Variants in LARGE1 observed in about 807,000 individuals in gnomAD.
LARGE1 encodes xylosyl- and glucuronyltransferase LARGE1.
In LARGE1, 43 loss-of-function variants were observed where a neutral mutation model predicts 87.6. The ratio of observed to expected loss-of-function variants is 0.49; its 90% CI spans 0.38 to 0.63. The LOEUF is 0.63. Ranked by LOEUF, LARGE1 falls within the 30% of genes least tolerant of loss-of-function variation. The probability of loss-of-function intolerance (pLI) is 0.00; values close to 1 mark genes in which losing one functional copy is unlikely to be tolerated. For synonymous variants in LARGE1, 434 were observed against 394.6 expected (o/e 1.10, Z -1.18); for missense variants, 802 against 1,000.2 (o/e 0.80, Z 2.67).
intron 4 of LARGE1, 135 bp from the exon 5 acceptor site, chr22:33,604,693 T>G: frequency 8.2e-7 from 1 of 1,222,570 alleles, no homozygotes; most frequent in East Asian, 2.5e-5. Flanking sequence ...ATCTGGAATG[T>G]TACGAAAACA....
chr22:33,585,849 T>G (rs1215549045), intron 5 of LARGE1, among the ~76,000 whole-genome samples: 1 of 152,128 alleles, frequency 6.6e-6, no homozygotes, highest in Non-Finnish European at 1.5e-5. Flanking sequence ...TCCTTTATGC[T>G]CACCACGCCC....
intron 1 of LARGE1, among the ~76,000 whole-genome samples, chr22:33,866,931 G>A (rs543677948): frequency 6.6e-6 from 1 of 152,218 alleles, no homozygotes; most frequent in African/African-American, 2.4e-5. Flanking sequence ...CTCACTAAAG[G>A]GGTTGATTAT....
At chr22:33,474,793 G>T (rs1208971102) in intron 6 of LARGE1, among the ~76,000 whole-genome samples, 1 of 152,124 alleles carries the variant, frequency 6.6e-6, no homozygotes, top group Non-Finnish European at 1.5e-5. Flanking sequence ...AAAAAGAGTG[G>T]GGTGCTGTGG....
chr22:33,549,377 C>CA (rs1279334465), intron 6 of LARGE1, among the ~76,000 whole-genome samples: 1 of 152,224 alleles, frequency 6.6e-6, no homozygotes, highest in East Asian at 1.9e-4. Flanking sequence ...CACGGATATG[C>CA]AGATGAGCTG....
At chr22:33,547,007 G>A (rs930263859) in intron 6 of LARGE1, among the ~76,000 whole-genome samples, 19 of 152,154 alleles carry the variant, frequency 1.2e-4, no homozygotes, top group Non-Finnish European at 5.9e-5. Context: ...TCTGCCACTT[G>A]CCAGTTAGAA....
Position 33,262,799 on chromosome 22 carries a change from C to T in LARGE1, c.1730+41430G>A, listed in dbSNP as rs553778167. ...TTCCTTCCTTCCCTTCCCTTTCCTTCCTTCCTTCCTTCTTTCCTTCCTGAC... is the reference window on the plus strand; with the variant it reads ...TTCCTTCCTTCCCTTCCCTTTCCTTTCTTCCTTCCTTCTTTCCTTCCTGAC... On this transcript the variant is annotated intron_variant, in intron 11 of 11. Coordinates refer to the LARGE1 transcript ENST00000608642. Among the ~76,000 whole-genome samples the T allele has an allele frequency of 4.4e-4, 66 of 148,396 alleles. 1 individual carries two copies. Among genetic ancestry groups the T allele is most frequent in the African/African-American group, 1.5e-3 (61 of 40,708 alleles).
intron 4 of LARGE1, among the ~76,000 whole-genome samples, chr22:33,617,864 C>T (rs2149040016): frequency 6.6e-6 from 1 of 152,268 alleles, no homozygotes. Context: ...TCCCTTGTTC[C>T]AGGCTGAGAT....
chr22:33,095,519 C>A, the LARGE1 span, among the ~76,000 whole-genome samples: 1 of 152,194 alleles, frequency 6.6e-6, no homozygotes, highest in African/African-American at 2.4e-5. Context: ...GTCATATTTA[C>A]AGGTAGCGGG....
intron 6 of LARGE1, among the ~76,000 whole-genome samples, chr22:33,503,016 G>T (rs1218857429): frequency 1.3e-5 from 2 of 152,216 alleles, no homozygotes; most frequent in East Asian, 3.9e-4. Flanking sequence ...CTGAGGTGGT[G>T]AGTTCAGGTT....
chr22:33,190,333 T>C (rs1000993895), intron 11 of LARGE1, among the ~76,000 whole-genome samples: 3 of 152,188 alleles, frequency 2.0e-5, no homozygotes, highest in African/African-American at 7.2e-5. Context: ...CAGACTTTAA[T>C]TCCTATGGCT....
At chr22:33,759,949 T>C (rs1384470613) in intron 2 of LARGE1, among the ~76,000 whole-genome samples, 2 of 152,194 alleles carry the variant, frequency 1.3e-5, no homozygotes, top group African/African-American at 4.8e-5. Context: ...GGTGTGTCAC[T>C]TGGCCTCGGC....
intron 1 of LARGE1, among the ~76,000 whole-genome samples, chr22:33,816,689 T>TAGAC (rs1226644906): frequency 0.024 from 3,220 of 132,408 alleles, 46 homozygotes; most frequent in Non-Finnish European, 0.026. Flanking sequence ...GATAGATAGA[T>TAGAC]AGACAGACAG....
chr22:33,675,309 A>AAAAAAAAAAAAAAAAAAAAAC (rs2081540830), intron 2 of LARGE1, among the ~76,000 whole-genome samples: 1 of 147,594 alleles, frequency 6.8e-6, no homozygotes, highest in Non-Finnish European at 1.5e-5. Context: ...AAAAAAAAAA[A>AAAAAAAAAAAAAAAAAAAAAC]AAAAAAAAAG....
intron 1 of LARGE1, among the ~76,000 whole-genome samples, chr22:33,860,973 GAAGCCTGCAC>G (rs2063902409): frequency 6.6e-6 from 1 of 152,164 alleles, no homozygotes; most frequent in African/African-American, 2.4e-5. Flanking sequence ...CTTGGAGTGT[GAAGCCTGCAC>G]TCCTGGGCAC....
intron 6 of LARGE1, among the ~76,000 whole-genome samples, chr22:33,452,166 C>T (rs1601901177): frequency 6.6e-6 from 1 of 152,324 alleles, no homozygotes; most frequent in Non-Finnish European, 1.5e-5. Context: ...AAAACAAATT[C>T]CTGCCTTGTT....
intron 1 of LARGE1, among the ~76,000 whole-genome samples, chr22:33,891,256 C>G (rs1305691247): frequency 6.6e-6 from 1 of 152,204 alleles, no homozygotes; most frequent in Non-Finnish European, 1.5e-5. Flanking sequence ...ATCTCCACCA[C>G]TAAACTTGCC....
upstream of LARGE1, among the ~76,000 whole-genome samples, chr22:33,922,108 T>G (rs1475821999): frequency 6.6e-6 from 1 of 152,034 alleles, no homozygotes; most frequent in Non-Finnish European, 1.5e-5. Flanking sequence ...GGTCTTTGCC[T>G]TCCCTCTGCG....
At chr22:33,663,210 T>G (rs1429802031) in intron 2 of LARGE1, among the ~76,000 whole-genome samples, 1 of 152,086 alleles carries the variant, frequency 6.6e-6, no homozygotes, top group African/African-American at 2.4e-5. Context: ...AACGCTTTAT[T>G]GGGATGGGCA....
intron 6 of LARGE1, among the ~76,000 whole-genome samples, chr22:33,505,228 G>T (rs2070706028): frequency 6.6e-6 from 1 of 152,242 alleles, no homozygotes. Flanking sequence ...ACAGGACCAC[G>T]ATTAGTGGAA....
Sources: gnomAD v4.1 joint callset for allele counts (sites outside exome capture counted in the v4.1 genomes callset) on GRCh38, gnomAD v4.1.1 for gene constraint, MANE v1.5 for transcripts, NCBI Gene and HGNC (gene_info 2026-07-23, HGNC 2026-07-21) for gene names.